The following URI1 variants were observed in gnomAD, a reference collection of about 807,000 sequenced individuals.
URI1 encodes URI1 prefoldin like chaperone.
Under a neutral mutation model 60.2 loss-of-function variants are expected in URI1, and 39 were observed. The observed-to-expected ratio is 0.65, with a 90% CI of 0.50 to 0.85. The LOEUF is 0.85. Among genes scored for constraint, URI1 ranks in the 40% least tolerant of loss-of-function variants. The pLI is 0.00. For synonymous variants in URI1, 251 were observed against 236.8 expected, an observed-to-expected ratio of 1.06 and a Z score of -0.55; for missense variants, 691 against 665.9, an observed-to-expected ratio of 1.04 and a Z score of -0.42.
chr19:29,960,140 A>G (rs1732787631), intron 1 of URI1, among the ~76,000 whole-genome samples: 1 of 152,100 alleles, frequency 6.6e-6, no homozygotes, highest in African/African-American at 2.4e-5. Context: ...CTGTTTCTCT[A>G]GTGTGGTCAG....
chr19:29,935,151 T>A (rs1236994395), intron 1 of URI1, among the ~76,000 whole-genome samples: 2 of 152,216 alleles, frequency 1.3e-5, no homozygotes. Flanking sequence ...TCATTTTGAT[T>A]CCTTTTTTCT....
At chr19:29,996,597 GT>G (rs1235061065) in intron 4 of URI1, among the ~76,000 whole-genome samples, 1 of 151,864 alleles carries the variant, frequency 6.6e-6, no homozygotes, top group Non-Finnish European at 1.5e-5. Flanking sequence ...CTTTTTATTT[GT>G]TTTTCTTGCT....
chr19:30,001,786 T>C (rs1055591300), intron 4 of URI1, among the ~76,000 whole-genome samples: 1 of 151,974 alleles, frequency 6.6e-6, no homozygotes, highest in African/African-American at 2.4e-5. Flanking sequence ...TGGTTGACAT[T>C]TCTTGTCTAT....
At position 29,942,770 on chromosome 19, in the gene URI1, G is replaced by A. The variant is rs918682522; in HGVS notation, c.117+106G>A. 8.4e-6 allele frequency: 10 copies of A among 1,195,408 alleles called. No homozygotes were observed. The East Asian group carries it at 3.4e-4, about 40-fold the overall frequency. The allele number at this position is 1,195,408 out of a possible 1,614,324, so 74.1% of individuals were successfully genotyped here. A position where few individuals can be genotyped will look rare whatever the true frequency, so the allele number is the denominator to read the frequency against. On this transcript the variant is annotated intron_variant, in intron 1 of 10. Transcript: ENST00000392271. Reference sequence around the variant, plus strand: ...CCTAGGCCCAGCTGCCCGGGCCCCCGGAGGGAACGGGGATAAACTTTTGTC... The same window carrying A: ...CCTAGGCCCAGCTGCCCGGGCCCCCAGAGGGAACGGGGATAAACTTTTGTC...
At chr19:29,923,877 CATA>C in intron 1 of URI1, 1 of 1,003,420 alleles carries the variant, frequency 1.0e-6, no homozygotes, top group Non-Finnish European at 1.5e-6. Flanking sequence ...GCGCTGTAGA[CATA>C]GCTATAGACC....
intron 1 of URI1, chr19:29,956,773 A>G: frequency 6.3e-7 from 1 of 1,597,932 alleles, no homozygotes; most frequent in Non-Finnish European, 8.6e-7. Flanking sequence ...GACTACAAAT[A>G]GTCCGAACGG....
In URI1 at chr19:29,985,310, G is replaced by T. The variant is rs201256780; in HGVS notation, c.231+9G>T. 3.4e-4 allele frequency: 538 copies of T among 1,601,692 alleles called. No individual in the cohort carries two copies. The highest frequency in any genetic ancestry group is 4.4e-4 in the Non-Finnish European group (513 of 1,172,148). On this transcript the variant is annotated intron_variant, in intron 3 of 10. Transcript: ENST00000392271. ...TGTCTTATAATATAATGGTATGTTT[G>T]GTGTGTTTCTTTTAAAGTAATAGTT...
chr19:29,988,254 T>C (rs1185399180), intron 4 of URI1, among the ~76,000 whole-genome samples: 2 of 152,236 alleles, frequency 1.3e-5, no homozygotes. Context: ...TATATTGTTG[T>C]ACTTCACATT....
At chr19:29,933,876 G>A (rs1271849433) in intron 1 of URI1, among the ~76,000 whole-genome samples, 1 of 146,838 alleles carries the variant, frequency 6.8e-6, no homozygotes, top group African/African-American at 2.5e-5. Context: ...TCATTTTTCT[G>A]TTTTCTGTTT....
chr19:29,969,259 A>AGG (rs2055428745), intron 1 of URI1, among the ~76,000 whole-genome samples: 1 of 152,158 alleles, frequency 6.6e-6, no homozygotes, highest in Non-Finnish European at 1.5e-5. Flanking sequence ...CTATCTTCCT[A>AGG]GGGAGACTGT....
chr19:30,013,789 C>T (rs1397044244), intron 10 of URI1, among the ~76,000 whole-genome samples: 2 of 152,066 alleles, frequency 1.3e-5, no homozygotes, highest in Non-Finnish European at 2.9e-5. Context: ...GAGAAGAAGG[C>T]TCTATGCTCA....
At chr19:30,013,992 G>A (rs1049684746) in intron 10 of URI1, among the ~76,000 whole-genome samples, 3 of 151,082 alleles carry the variant, frequency 2.0e-5, no homozygotes, top group Non-Finnish European at 4.4e-5. Context: ...GGTAGACAGA[G>A]GAGAACAAAA....
chr19:29,993,678 T>A (rs899663588), intron 4 of URI1, among the ~76,000 whole-genome samples: 1 of 152,144 alleles, frequency 6.6e-6, no homozygotes, highest in African/African-American at 2.4e-5. Context: ...AAAAATTATT[T>A]TTTTAGTAGG....
At chr19:29,973,778 TAAC>T (rs2055488266) in intron 2 of URI1, among the ~76,000 whole-genome samples, 1 of 152,148 alleles carries the variant, frequency 6.6e-6, no homozygotes, top group Non-Finnish European at 1.5e-5. Context: ...GTTTAGTTAA[TAAC>T]AGATAAAAAG....
intron 4 of URI1, among the ~76,000 whole-genome samples, chr19:29,994,895 C>T (rs1162985058): frequency 1.3e-5 from 2 of 152,088 alleles, no homozygotes; most frequent in Admixed American, 1.3e-4. Flanking sequence ...GCCTTCCTGC[C>T]TCAGCCTCCT....
chr19:30,005,562 C>A, intron 5 of URI1, 89 bp from the exon 6 acceptor site: 1 of 1,510,250 alleles, frequency 6.6e-7, no homozygotes. Flanking sequence ...TGCTTTCAGA[C>A]ATCTTAGGTT....
intron 4 of URI1, among the ~76,000 whole-genome samples, chr19:29,990,937 T>C (rs1453409497): frequency 1.3e-5 from 2 of 152,208 alleles, no homozygotes; most frequent in Non-Finnish European, 2.9e-5. Context: ...TTTTGGACCA[T>C]CTGTTCTGTT....
upstream of URI1, among the ~76,000 whole-genome samples, chr19:29,940,598 A>C (rs2055013532): frequency 6.6e-6 from 1 of 152,140 alleles, no homozygotes; most frequent in African/African-American, 2.4e-5. Context: ...GCAGTGAGCC[A>C]AGATGGCACC....
At chr19:29,951,045 C>CA (rs1376255359) in intron 1 of URI1, among the ~76,000 whole-genome samples, 1 of 152,190 alleles carries the variant, frequency 6.6e-6, no homozygotes, top group African/African-American at 2.4e-5. Flanking sequence ...AAGGCTGAGG[C>CA]AGGAGGTGGA....
Sources: gnomAD v4.1 joint callset for allele counts (sites outside exome capture counted in the v4.1 genomes callset) on GRCh38, gnomAD v4.1.1 for gene constraint, MANE v1.5 for transcripts, NCBI Gene and HGNC (gene_info 2026-07-23, HGNC 2026-07-21) for gene names.